LUZP2: variants seen among roughly 807,000 people sequenced by gnomAD.
LUZP2 encodes the protein leucine zipper protein 2.
LUZP2 carries 52 observed loss-of-function variants against 51.6 expected under a neutral mutation model. The observed-to-expected ratio is 1.01, with a 90% CI of 0.81 to 1.27. The LOEUF (loss-of-function observed/expected upper bound fraction) is 1.27, where lower values mean the gene tolerates loss of function less well. Among genes scored for constraint, LUZP2 ranks in the 50% most tolerant of loss-of-function variants. The probability of loss-of-function intolerance (pLI) is 0.00; values close to 1 mark genes in which losing one functional copy is unlikely to be tolerated. For synonymous variants in LUZP2, 154 were observed against 137.3 expected (o/e 1.12, Z -0.85); for missense variants, 436 against 395.4 (o/e 1.10, Z -0.87).
At chr11:24,949,648 G>A (rs775985754) in intron 7 of LUZP2, among the ~76,000 whole-genome samples, 13 of 151,620 alleles carry the variant, frequency 8.6e-5, no homozygotes, top group South Asian at 2.1e-4. Flanking sequence ...GCAGCGGTTC[G>A]TAATACTGGA....
chr11:24,812,055 A>G (rs1420915867), intron 5 of LUZP2, among the ~76,000 whole-genome samples: 3 of 152,224 alleles, frequency 2.0e-5, no homozygotes, highest in Admixed American at 6.6e-5. Flanking sequence ...TTCATCGACA[A>G]TATGGGCTGT....
chr11:24,943,057 A>T (rs10834550), intron 7 of LUZP2, among the ~76,000 whole-genome samples: 54,600 of 152,072 alleles, frequency 0.36, 12,090 homozygotes, highest in East Asian at 0.72. Flanking sequence ...CACTTATTTC[A>T]TGGATTTCTG....
At chr11:24,827,275 A>G (rs1437380678) in intron 5 of LUZP2, among the ~76,000 whole-genome samples, 9 of 152,202 alleles carry the variant, frequency 5.9e-5, no homozygotes. Flanking sequence ...TTCAGGGGTT[A>G]TCCCTAGGAA....
chr11:24,501,299 G>A (rs1206154684), intron 1 of LUZP2, among the ~76,000 whole-genome samples: 1 of 152,182 alleles, frequency 6.6e-6, no homozygotes, highest in African/African-American at 2.4e-5. Context: ...CTTATCTGGT[G>A]ATTATCTTTG....
chr11:24,524,524 C>T (rs901725269), intron 1 of LUZP2, among the ~76,000 whole-genome samples: 1 of 151,680 alleles, frequency 6.6e-6, no homozygotes, highest in Non-Finnish European at 1.5e-5. Flanking sequence ...TAATGACAAA[C>T]CTTTCCCTGA....
At chr11:24,857,286 TATACATATATATATATACATATATATAC>T (rs1295570150) in intron 5 of LUZP2, among the ~76,000 whole-genome samples, 2 of 77,008 alleles carry the variant, frequency 2.6e-5, no homozygotes, top group Non-Finnish European at 5.0e-5. Flanking sequence ...TATATATATA[TATACATATATATATATACATATATATAC>T]ACACACACAC....
intron 5 of LUZP2, among the ~76,000 whole-genome samples, chr11:24,873,281 T>C (rs2134272322): frequency 6.6e-6 from 1 of 152,334 alleles, no homozygotes; most frequent in East Asian, 1.9e-4. Context: ...ACCTCTATCA[T>C]GAATTCCTTA....
At position 24,983,128 on chromosome 11, in the gene LUZP2, G is replaced by C. The variant is rs1157485851; in HGVS notation, c.600G>C (p.Glu200Asp). 6.2e-7 allele frequency: 1 copy of C among 1,608,202 alleles called. No homozygotes were observed. The highest frequency in any genetic ancestry group is 1.7e-5 in the Admixed American group (1 of 58,936). ...TGTTAATGCCTCTTTTTTTGTAGGA[G>C]TCACAGATGAAAGCAATGAAAGAGA... ...NELEKAALDR[E>D]SQMKAMKETV... Residue 200 changes from glutamate to aspartate, a missense_variant and splice_region_variant, in exon 9 of 12, where the codon GAG becomes GAC. By Grantham distance (45) the Glu-to-Asp change is conservative (BLOSUM62 2). Transcript: ENST00000336930.
At chr11:24,699,463 T>G (rs1857354300) in intron 1 of LUZP2, among the ~76,000 whole-genome samples, 1 of 152,104 alleles carries the variant, frequency 6.6e-6, no homozygotes, top group Admixed American at 6.6e-5. Flanking sequence ...ATGCATTGAA[T>G]ACTAAAGGTA....
intron 1 of LUZP2, among the ~76,000 whole-genome samples, chr11:24,610,805 C>T (rs746631879): frequency 5.3e-5 from 8 of 152,000 alleles, no homozygotes; most frequent in Non-Finnish European, 1.2e-4. Context: ...ATGAGCTGGG[C>T]GTGGGGGCAC....
Position 25,051,251 on chromosome 11 carries a change from A to G in LUZP2, c.858+1121A>G, listed in dbSNP as rs1858500749. Among the ~76,000 whole-genome samples, 2 of 151,930 alleles carry G rather than the reference A, an allele frequency of 1.3e-5. 1 individual carries two copies. The highest frequency in any genetic ancestry group is 1.3e-4 in the Admixed American group (2 of 15,246). ...AGAATGGCGTGAACCCGGGAGATGG[A>G]GCTTGCAGTGAGCCGAGATGGCGCC... On this transcript the variant is annotated intron_variant, in intron 10 of 11. Coordinates refer to ENST00000336930, the MANE Select transcript of LUZP2 (RefSeq NM_001009909.4).
chr11:24,884,543 A>C, intron 5 of LUZP2, among the ~76,000 whole-genome samples: 1 of 152,024 alleles, frequency 6.6e-6, no homozygotes, highest in Non-Finnish European at 1.5e-5. Context: ...ATTCATGTGA[A>C]TTACATAACA....
chr11:24,846,114 A>G (rs2134210495), intron 5 of LUZP2, among the ~76,000 whole-genome samples: 1 of 152,104 alleles, frequency 6.6e-6, no homozygotes, highest in South Asian at 2.1e-4. Context: ...CAGAACAGAG[A>G]GAAACATGAA....
intron 1 of LUZP2, among the ~76,000 whole-genome samples, chr11:24,601,738 G>T (rs191593898): frequency 6.6e-6 from 1 of 150,748 alleles, no homozygotes; most frequent in Non-Finnish European, 1.5e-5. Context: ...CAGCAACCAA[G>T]ACACAATACC....
chr11:24,935,909 C>T (rs1854572845), intron 7 of LUZP2, among the ~76,000 whole-genome samples: 1 of 152,060 alleles, frequency 6.6e-6, no homozygotes. Flanking sequence ...TTTCAGAAGA[C>T]AAGAGCAAAT....
At chr11:24,766,329 G>A (rs1193652105) in intron 5 of LUZP2, among the ~76,000 whole-genome samples, 2 of 152,090 alleles carry the variant, frequency 1.3e-5, no homozygotes, top group Non-Finnish European at 2.9e-5. Flanking sequence ...GTGAAATAAT[G>A]TCAGCAAAGC....
intron 1 of LUZP2, among the ~76,000 whole-genome samples, chr11:24,543,912 A>T (rs1851459099): frequency 6.6e-6 from 1 of 151,722 alleles, no homozygotes; most frequent in Admixed American, 6.6e-5. Context: ...GTTTCACATA[A>T]AGATGAAGAT....
At chr11:24,557,136 T>C (rs1344340425) in intron 1 of LUZP2, among the ~76,000 whole-genome samples, 1 of 151,470 alleles carries the variant, frequency 6.6e-6, no homozygotes, top group Non-Finnish European at 1.5e-5. Flanking sequence ...ATTGACTCCA[T>C]TGTGTTATAG....
chr11:24,602,387 T>TAC (rs71041785), intron 1 of LUZP2, among the ~76,000 whole-genome samples: 20,531 of 129,292 alleles, frequency 0.16, 1,862 homozygotes, highest in Non-Finnish European at 0.22. Context: ...TATATATATA[T>TAC]ACACACACAC....
Sources: allele counts gnomAD v4.1 joint callset (sites outside exome capture counted in the v4.1 genomes callset), GRCh38; gene constraint gnomAD v4.1.1; transcripts MANE v1.5; gene names NCBI Gene and HGNC (gene_info 2026-07-23, HGNC 2026-07-21).